The following EXT2 variants were observed in gnomAD, a reference collection of about 807,000 sequenced individuals.
EXT2 encodes exostosin-2.
A neutral mutation model predicts 81.6 loss-of-function variants in EXT2; 53 were observed. The ratio of observed to expected loss-of-function variants is 0.65; its 90% confidence interval spans 0.52 to 0.82. The LOEUF is 0.82. EXT2 is among the 40% of genes least tolerant of loss of function. EXT2 has a pLI of 0.00. For synonymous variants in EXT2, 320 were observed against 340.0 expected (o/e 0.94, Z 0.65); for missense variants, 774 against 910.2 (o/e 0.85, Z 1.93).
At chr11:44,208,622 A>G (rs1955611386) in intron 10 of EXT2, among the ~76,000 whole-genome samples, 1 of 152,248 alleles carries the variant, frequency 6.6e-6, no homozygotes, top group South Asian at 2.1e-4. Flanking sequence ...ATGCTATGGA[A>G]GGAACAACTT....
chr11:44,172,733 G>A (rs539601899), intron 8 of EXT2, among the ~76,000 whole-genome samples: 10 of 151,946 alleles, frequency 6.6e-5, no homozygotes, highest in African/African-American at 1.2e-4. Context: ...ACAGGCATCC[G>A]CCACCAAGCC....
intron 10 of EXT2, among the ~76,000 whole-genome samples, chr11:44,209,404 C>T (rs926677198): frequency 3.1e-4 from 47 of 152,146 alleles, no homozygotes; most frequent in African/African-American, 6.5e-4. Context: ...TTCATTATTC[C>T]ATTCATGATT....
At chr11:44,128,623 G>C (rs554781164) in intron 6 of EXT2, among the ~76,000 whole-genome samples, 92 of 152,274 alleles carry the variant, frequency 6.0e-4, no homozygotes, top group African/African-American at 2.1e-3. Context: ...ATTGGCAGTG[G>C]GATTGGTGAG....
chr11:44,102,534 CTTTTTTTT>C (rs59752163), intron 1 of EXT2, among the ~76,000 whole-genome samples: 24 of 106,164 alleles, frequency 2.3e-4, no homozygotes, highest in Middle Eastern at 5.8e-3. Context: ...CTGTCTCTCT[CTTTTTTTT>C]TTTTTTTTTT....
intron 8 of EXT2, among the ~76,000 whole-genome samples, chr11:44,190,068 G>C (rs990196524): frequency 1.3e-5 from 2 of 152,200 alleles, no homozygotes; most frequent in African/African-American, 4.8e-5. Context: ...ATGCACGTTA[G>C]TAATATGATG....
rs554238913 is a variant in EXT2, at chr11:44,214,590, T to C, written c.1662+7631T>C. 3.3e-5 allele frequency among the ~76,000 whole-genome samples: 5 copies of C among 152,334 alleles called. No individual in the cohort carries two copies. The East Asian group carries it at 9.6e-4, about 29-fold the overall frequency. On this transcript the variant is annotated intron_variant, in intron 10 of 13. Transcript: ENST00000533608. ...TGTTCATTTTATCTAAATTACAAAA[T>C]GTATTGGTATAAAGTCATTCGTAAT...
intron 10 of EXT2, among the ~76,000 whole-genome samples, chr11:44,212,910 CA>C: frequency 6.6e-6 from 1 of 151,900 alleles, no homozygotes; most frequent in East Asian, 1.9e-4. Context: ...GGATTGACCA[CA>C]AAAAAGCAAG....
chr11:44,250,514 T>C lies in EXT2; in HGVS notation c.*6227T>C, dbSNP rs1956129936. 6.6e-6 allele frequency among the ~76,000 whole-genome samples: 1 copy of C among 152,236 alleles called. No individual in the cohort carries two copies. The highest frequency in any genetic ancestry group is 2.4e-5 in the African/African-American group (1 of 41,470). On this transcript the variant is annotated 3_prime_UTR_variant, in exon 14 of 14. Coordinates refer to ENST00000533608, the MANE Select transcript of EXT2 (RefSeq NM_207122.2). ...AGCCAGCCCTCTTCCGGCCCCTATT[T>C]CTGCTTACCGTGTTACCAGAGAGCC...
intron 7 of EXT2, chr11:44,144,408 C>T: frequency 7.4e-7 from 1 of 1,344,084 alleles, no homozygotes; most frequent in Non-Finnish European, 1.0e-6. Flanking sequence ...GAAGGCTTGA[C>T]CAAACACAGT....
At chr11:44,138,392 T>A (rs994912497) in intron 7 of EXT2, among the ~76,000 whole-genome samples, 2 of 152,264 alleles carry the variant, frequency 1.3e-5, no homozygotes, top group African/African-American at 4.8e-5. Flanking sequence ...ATCTTGAGAA[T>A]GAATTGTTAG....
intron 10 of EXT2, among the ~76,000 whole-genome samples, chr11:44,227,778 C>T (rs1258777275): frequency 6.6e-6 from 1 of 152,122 alleles, no homozygotes; most frequent in Non-Finnish European, 1.5e-5. Flanking sequence ...GTGTTGAGGA[C>T]CAACAGGTAA....
At chr11:44,106,609 T>G (rs1272551060) in intron 1 of EXT2, among the ~76,000 whole-genome samples, 1 of 152,156 alleles carries the variant, frequency 6.6e-6, no homozygotes, top group Non-Finnish European at 1.5e-5. Flanking sequence ...AATAATGGTT[T>G]GAATGAATAA....
rs35070892 is a variant in EXT2 at position 44,172,583 on chromosome 11, C to CTTT, written c.1305+856_1305+858dup. ...TCCTTGTCTCCTGATTCTACCTTTT[C>CTTT]TTTTTTTTTTTTTTTTTGAGATGGA... On this transcript the variant is annotated intron_variant, in intron 8 of 13. Transcript: ENST00000533608. Among the ~76,000 whole-genome samples, 658 of 107,372 alleles carry CTTT rather than the reference C, an allele frequency of 6.1e-3. 8 individuals carry two copies. The highest frequency in any genetic ancestry group is 0.019 in the African/African-American group (600 of 31,172). 70.4% of individuals were successfully genotyped at this position (107,372 alleles called of 152,430 possible).
intron 4 of EXT2, among the ~76,000 whole-genome samples, chr11:44,123,174 A>G (rs906598538): frequency 2.0e-5 from 3 of 152,304 alleles, no homozygotes; most frequent in Middle Eastern, 6.8e-3. Context: ...TTAATCCTCT[A>G]TAAAAGGAGA....
chr11:44,207,860 T>TC (rs1230087151), intron 10 of EXT2, among the ~76,000 whole-genome samples: 7 of 151,456 alleles, frequency 4.6e-5, no homozygotes, highest in South Asian at 2.1e-4. Flanking sequence ...AGGAATCCCC[T>TC]CCCCCCCGAC....
intron 7 of EXT2, among the ~76,000 whole-genome samples, chr11:44,150,518 A>G (rs1954778398): frequency 6.6e-6 from 1 of 152,224 alleles, no homozygotes; most frequent in Admixed American, 6.5e-5. Context: ...AGATCCTGGG[A>G]AGAAAGCAAT....
chr11:44,121,441 A>AG (rs1954315023), intron 4 of EXT2, among the ~76,000 whole-genome samples: 1 of 152,188 alleles, frequency 6.6e-6, no homozygotes, highest in South Asian at 2.1e-4. Context: ...CCAACACTGC[A>AG]GGGGCATTCT....
At chr11:44,157,990 G>A (rs1161000104) in intron 7 of EXT2, among the ~76,000 whole-genome samples, 1 of 152,200 alleles carries the variant, frequency 6.6e-6, no homozygotes, top group Non-Finnish European at 1.5e-5. Context: ...TTTCCTTCTG[G>A]CCCAGTGTGT....
intron 10 of EXT2, among the ~76,000 whole-genome samples, chr11:44,211,178 G>A (rs1390300527): frequency 6.6e-6 from 1 of 152,166 alleles, no homozygotes; most frequent in Non-Finnish European, 1.5e-5. Context: ...ACTGTCAGTG[G>A]GAATGTAAAT....
Sources: gnomAD v4.1 joint callset for allele counts (sites outside exome capture counted in the v4.1 genomes callset) on GRCh38, gnomAD v4.1.1 for gene constraint, MANE v1.5 for transcripts, NCBI Gene and HGNC (gene_info 2026-07-23, HGNC 2026-07-21) for gene names.